The following RNF40 variants were observed in gnomAD, a reference collection of about 807,000 sequenced individuals.
RNF40 encodes ring finger protein 40, also known as E3 ubiquitin-protein ligase BRE1B.
RNF40 carries 39 observed loss-of-function variants against 123.3 expected under a neutral mutation model. The ratio of observed to expected loss-of-function variants is 0.32; its 90% CI spans 0.24 to 0.41. RNF40 has a LOEUF of 0.41. Among genes scored for constraint, RNF40 ranks in the 10% least tolerant of loss-of-function variants. RNF40 has a pLI of 1.00. For missense variants in RNF40, 1,003 were observed against 1,319.9 expected, an observed-to-expected ratio of 0.76 and a Z score of 3.72; for synonymous variants, 538 against 526.0, an observed-to-expected ratio of 1.02 and a Z score of -0.31.
chr16:30,768,361 C>T lies in RNF40; in HGVS notation c.1810C>T (p.Arg604Ter), dbSNP rs1490935332. 1.9e-6 allele frequency: 3 copies of T among 1,613,100 alleles called. No homozygotes were observed. The highest frequency in any genetic ancestry group is 1.3e-5 in the African/African-American group (1 of 74,884). Residue 604 changes from arginine (R) to a stop codon, truncating the protein, a stop_gained, in exon 13 of 20, where the codon CGA becomes TGA. Coordinates refer to ENST00000324685, the MANE Select transcript of RNF40 (RefSeq NM_014771.4). LOFTEE classifies it high-confidence loss of function. The surrounding 1 kb of genome is among the most constrained non-coding windows in gnomAD (Gnocchi z 4.1). ...PGAQGPSSRGREPEARPKREL... is the reference protein window; with the variant it reads ...PGAQGPSSRG ...GGCCCAGGGCCCTTCCTCCCGGGGC[C>T]GAGAACCTGAGGCCAGGCCCAAGCG...
intron 11 of RNF40, among the ~76,000 whole-genome samples, chr16:30,767,193 G>C (rs1596751608): frequency 6.6e-6 from 1 of 152,332 alleles, no homozygotes; most frequent in East Asian, 1.9e-4. Flanking sequence ...GCCAGGCTCT[G>C]TTCTAGGGTT....
Position 30,762,327 on chromosome 16 carries a change from C to A in RNF40, c.-105C>A. 1.9e-6 allele frequency: 1 copy of A among 513,420 alleles called. No homozygotes were observed. Among genetic ancestry groups the A allele is most frequent in the Admixed American group, 4.1e-5 (1 of 24,482 alleles). 31.8% of individuals were successfully genotyped at this position (513,420 alleles called of 1,614,324 possible). ...GACGCCCAGTGACGTCCGGTGAAAT[C>A]CAAGATGGCGGCGCTAGGCTGACCC... is the stretch of plus-strand genomic sequence containing the variant. On this transcript the variant is annotated 5_prime_UTR_variant, in exon 1 of 20. Transcript: ENST00000324685.
At position 30,774,228 on chromosome 16, in the gene RNF40, C is replaced by A; in HGVS notation, c.*114C>A. ...TCCATTCCGGACCCCATGGGCCCAG[C>A]CCCTGCCCATCTAGTTGGTTTGGGG... On this transcript the variant is annotated 3_prime_UTR_variant, in exon 20 of 20. Transcript: ENST00000324685. 1 of 1,145,554 alleles carries A rather than the reference C, an allele frequency of 8.7e-7. No individual in the cohort carries two copies. The highest frequency in any genetic ancestry group is 1.2e-6 in the Non-Finnish European group (1 of 821,680). The allele number at this position is 1,145,554 out of a possible 1,614,324, so 71.0% of individuals were successfully genotyped here.
At chr16:30,769,797 A>C (rs1420597621) in intron 17 of RNF40, among the ~76,000 whole-genome samples, 197 bp downstream of exon 17, 1 of 152,212 alleles carries the variant, frequency 6.6e-6, no homozygotes, top group Non-Finnish European at 1.5e-5. Flanking sequence ...CAGTCTCACT[A>C]ATCCTATCAA....
In RNF40 at chr16:30,774,311, A is replaced by C; in HGVS notation, c.*197A>C. 2 of 587,954 alleles carry C rather than the reference A, an allele frequency of 3.4e-6. No individual in the cohort carries two copies. The highest frequency in any genetic ancestry group is 1.9e-5 in the African/African-American group (1 of 53,850). The allele number at this position is 587,954 out of a possible 1,614,324, so 36.4% of individuals were successfully genotyped here. On this transcript the variant is annotated 3_prime_UTR_variant, in exon 20 of 20. Transcript: ENST00000324685. ...CCAAGCTTCGTTCCATCTTTTCCTA[A>C]AGGTCAGAGCTGCAGCCTAGGGGGC...
chr16:30,770,312 A>T (rs2054125947), intron 17 of RNF40, among the ~76,000 whole-genome samples: 1 of 151,734 alleles, frequency 6.6e-6, no homozygotes, highest in African/African-American at 2.4e-5. Flanking sequence ...GGGTTTCGCC[A>T]TGTTGACCAG....
At chr16:30,769,087 C>T in intron 15 of RNF40, 99 bp from the exon 16 acceptor site, 5 of 1,588,996 alleles carry the variant, frequency 3.1e-6, no homozygotes, top group South Asian at 2.2e-5. Context: ...ATCTGGGTCC[C>T]CTCTGTAGTT....
intron 11 of RNF40, among the ~76,000 whole-genome samples, chr16:30,767,329 G>T (rs2054052677): frequency 6.6e-6 from 1 of 152,154 alleles, no homozygotes; most frequent in Non-Finnish European, 1.5e-5. Flanking sequence ...TGACAGATAG[G>T]AAAGTAAAGC....
Position 30,766,953 on chromosome 16 carries a change from A to C in RNF40, c.1429+77A>C. 6.5e-7 allele frequency: 1 copy of C among 1,544,912 alleles called. No homozygotes were observed. Among genetic ancestry groups the C allele is most frequent in the Non-Finnish European group, 8.8e-7 (1 of 1,141,846 alleles). ...CCTGGTGTGGGGCTGCTGCTTATCC[A>C]GATGCAAGAGGCTAAGGCCTTTTTT... On this transcript the variant is annotated intron_variant, in intron 11 of 19. Coordinates refer to ENST00000324685, the MANE Select transcript of RNF40 (RefSeq NM_014771.4). This position sits in a 1 kb window ranked among gnomAD's most constrained non-coding sequence, Gnocchi z 5.4.
rs2054073782 is a variant in RNF40 at position 30,768,157 on chromosome 16, G to C, written c.1606G>C (p.Glu536Gln). Reference protein sequence around the residue: ...AHSTPNLGHPEDSGVSAPAPG... With the variant: ...AHSTPNLGHPQDSGVSAPAPG... The stretch of plus-strand genomic sequence containing the variant: ...CTCCACCCCCAACCTGGGCCACCCA[G>C]AGGATTCTGGCGTCAGTGCCCCAGC... Residue 536 changes from glutamate to glutamine, a missense_variant, in exon 13 of 20, where the codon GAG (glutamate) becomes CAG (glutamine). This residue lies in a region of RNF40 where 295 missense variants were observed against 331.7 expected (regional missense o/e 0.89). Coordinates refer to ENST00000324685, the MANE Select transcript of RNF40 (RefSeq NM_014771.4). This position sits in a 1 kb window ranked among gnomAD's most constrained non-coding sequence, Gnocchi z 4.1. The C allele has an allele frequency of 1.9e-6, 3 of 1,609,932 alleles. No individual in the cohort carries two copies. In the African/African-American group the frequency reaches 4.0e-5, roughly 22 times the overall value.
Position 30,764,167 on chromosome 16 carries a change from C to T in RNF40, c.443-12C>T, listed in dbSNP as rs1319766868. The T allele has an allele frequency of 3.1e-6, 5 of 1,599,938 alleles. No individual in the cohort carries two copies. Among genetic ancestry groups the T allele is most frequent in the South Asian group, 2.2e-5 (2 of 89,100 alleles). Reference sequence around the variant, plus strand: ...GCTCTTATCCTCATGAGGGTCTGTCCATTCCTTCCAGACCCCTTGCTGATG... The same window carrying T: ...GCTCTTATCCTCATGAGGGTCTGTCTATTCCTTCCAGACCCCTTGCTGATG... On this transcript the variant is annotated splice_polypyrimidine_tract_variant and intron_variant, in intron 4 of 19. Coordinates refer to ENST00000324685, the MANE Select transcript of RNF40 (RefSeq NM_014771.4).
chr16:30,762,735 G>A, intron 2 of RNF40, 58 bp downstream of exon 2: 1 of 1,585,444 alleles, frequency 6.3e-7, no homozygotes, highest in African/African-American at 1.4e-5. Context: ...TCTGTTCTCT[G>A]GCCAAACTGT....
upstream of RNF40, chr16:30,761,926 G>T: frequency 1.6e-6 from 1 of 642,408 alleles, no homozygotes; most frequent in East Asian, 2.9e-5. Flanking sequence ...TCTCAACGGC[G>T]ACGGTTGCCA....
chr16:30,772,411 C>T, intron 19 of RNF40: 1 of 625,596 alleles, frequency 1.6e-6, no homozygotes, highest in Non-Finnish European at 2.9e-6. Flanking sequence ...TGGCCCTGGT[C>T]TCTGACTTCT....
upstream of RNF40, chr16:30,762,070 G>A (rs530243018): frequency 7.0e-6 from 3 of 429,306 alleles, no homozygotes; most frequent in East Asian, 4.2e-5. Flanking sequence ...TACGAGGGCC[G>A]GTGCTGTCCT....
At chr16:30,771,357 A>C (rs575805079) in intron 17 of RNF40, among the ~76,000 whole-genome samples, 1 of 151,888 alleles carries the variant, frequency 6.6e-6, no homozygotes, top group Non-Finnish European at 1.5e-5. Flanking sequence ...GTGGCTCACG[A>C]CTGTAATCCC....
Position 30,775,140 on chromosome 16 carries a change from T to A in RNF40, c.*1026T>A, listed in dbSNP as rs1432612889. On this transcript the variant is annotated 3_prime_UTR_variant, in exon 20 of 20. Coordinates refer to ENST00000324685, the MANE Select transcript of RNF40 (RefSeq NM_014771.4). ...CCCACAGCCTCTGTTCTAGAGATGC[T>A]TGTATAGGCTGTTAATTGTGATGAA... 3 of 404,992 alleles carry A rather than the reference T, an allele frequency of 7.4e-6. No homozygotes were observed. Among genetic ancestry groups the A allele is most frequent in the Admixed American group, 6.0e-5 (2 of 33,180 alleles). The allele number at this position is 404,992 out of a possible 1,614,324, so 25.1% of individuals were successfully genotyped here. A position where few individuals can be genotyped will look rare whatever the true frequency, so the allele number is the denominator to read the frequency against.
Position 30,764,948 on chromosome 16 carries a change from G to A in RNF40, c.660G>A (p.Glu220=). Residue 220 remains glutamate (E), a synonymous_variant, in exon 6 of 20, where the codon GAG becomes GAA. Transcript: ENST00000324685. ...CQRVYSRGDS[E]PLSEAAQAHT... The stretch of plus-strand genomic sequence containing the variant: ...GCCCTGCCTTCCCAGGGGACAGTGA[G>A]CCCCTCAGTGAGGCGGCTCAGGCAC... 12 of 1,611,866 alleles carry A rather than the reference G, an allele frequency of 7.4e-6. No individual in the cohort carries two copies. The highest frequency in any genetic ancestry group is 1.0e-5 in the Non-Finnish European group (12 of 1,179,754).
chr16:30,764,145 C>G (rs750792286), intron 4 of RNF40, 34 bp from the exon 5 acceptor site: 2 of 1,570,706 alleles, frequency 1.3e-6, no homozygotes, highest in South Asian at 2.3e-5. Context: ...AACTGCTGCT[C>G]TTATCCTCAT....
Sources: gnomAD v4.1 joint callset for allele counts (sites outside exome capture counted in the v4.1 genomes callset) on GRCh38, gnomAD v4.1.1 for gene constraint, gnomAD v4.1.1 regional missense constraint, Gnocchi (gnomAD v3.1) non-coding constraint, MANE v1.5 for transcripts, NCBI Gene and HGNC (gene_info 2026-07-23, HGNC 2026-07-21) for gene names.